The following SGCZ variants were observed in gnomAD, a reference collection of about 807,000 sequenced individuals.
The protein encoded by SGCZ is sarcoglycan zeta, also known as zeta-sarcoglycan.
Under a neutral mutation model 41.3 loss-of-function variants are expected in SGCZ, and 40 were observed. That is an observed-to-expected ratio of 0.97 (90% confidence interval 0.75 to 1.26). SGCZ has a LOEUF of 1.26. Ranked by LOEUF, SGCZ falls within the 50% of genes most tolerant of loss-of-function variation. SGCZ has a pLI of 0.00. For missense variants in SGCZ, 552 were observed against 369.8 expected, an observed-to-expected ratio of 1.49 and a Z score of -4.04; for synonymous variants, 206 against 137.5, an observed-to-expected ratio of 1.50 and a Z score of -3.49.
chr8:15,005,296 C>A (rs1802564156), intron 1 of SGCZ, among the ~76,000 whole-genome samples: 2 of 148,876 alleles, frequency 1.3e-5, no homozygotes, highest in South Asian at 4.4e-4. Context: ...GGAGCCCCCT[C>A]CCCACGCCCC....
intron 2 of SGCZ, among the ~76,000 whole-genome samples, chr8:14,397,355 AAAAT>A (rs1204407498): frequency 6.6e-6 from 1 of 152,304 alleles, no homozygotes; most frequent in Admixed American, 6.5e-5. Context: ...CTTCCCAATT[AAAAT>A]AAATATTAAT....
intron 2 of SGCZ, among the ~76,000 whole-genome samples, chr8:14,516,164 G>C (rs1802614615): frequency 6.6e-6 from 1 of 150,830 alleles, no homozygotes; most frequent in Non-Finnish European, 1.5e-5. Context: ...TTTTACTTTA[G>C]GTTTGAGGGT....
At chr8:14,729,263 C>T (rs1383934792) in intron 1 of SGCZ, among the ~76,000 whole-genome samples, 1 of 152,102 alleles carries the variant, frequency 6.6e-6, no homozygotes, top group Admixed American at 6.6e-5. Flanking sequence ...TGACTGCCCA[C>T]CAAAGCCTTG....
intron 1 of SGCZ, among the ~76,000 whole-genome samples, chr8:14,624,180 T>C (rs1324461867): frequency 6.6e-6 from 1 of 152,190 alleles, no homozygotes. Context: ...CAGACACATG[T>C]ACAGCAATAT....
chr8:14,503,227 A>C (rs948502576), intron 2 of SGCZ, among the ~76,000 whole-genome samples: 1 of 152,104 alleles, frequency 6.6e-6, no homozygotes, highest in African/African-American at 2.4e-5. Flanking sequence ...GTTCTCACTC[A>C]TAAGTGGGAG....
intron 4 of SGCZ, among the ~76,000 whole-genome samples, chr8:14,230,439 T>G (rs1419775868): frequency 6.6e-6 from 1 of 152,128 alleles, no homozygotes; most frequent in Non-Finnish European, 1.5e-5. Context: ...ATGAGGCAAA[T>G]ACTCATATTC....
intron 1 of SGCZ, among the ~76,000 whole-genome samples, chr8:15,003,214 G>A (rs73203388): frequency 1.3e-5 from 2 of 152,152 alleles, no homozygotes; most frequent in Non-Finnish European, 1.5e-5. Context: ...GAAGGAAAAT[G>A]GAGAGCAGAG....
chr8:14,578,377 G>T (rs768299946), intron 1 of SGCZ, among the ~76,000 whole-genome samples: 1 of 152,154 alleles, frequency 6.6e-6, no homozygotes, highest in Non-Finnish European at 1.5e-5. Flanking sequence ...CCCAGAGCAT[G>T]GGCTCCTCTC....
chr8:15,126,701 G>A (rs1045678659), intron 1 of SGCZ, among the ~76,000 whole-genome samples: 1 of 152,192 alleles, frequency 6.6e-6, no homozygotes, highest in Non-Finnish European at 1.5e-5. Context: ...GGCACAACAG[G>A]AAGAGTGAAC....
intron 1 of SGCZ, among the ~76,000 whole-genome samples, chr8:15,001,821 T>C (rs1802434441): frequency 6.6e-6 from 1 of 152,014 alleles, no homozygotes; most frequent in African/African-American, 2.4e-5. Context: ...CATGCCATTA[T>C]TATCTTCATT....
chr8:14,837,493 T>A (rs1332722653), intron 1 of SGCZ, among the ~76,000 whole-genome samples: 1 of 152,200 alleles, frequency 6.6e-6, no homozygotes, highest in African/African-American at 2.4e-5. Context: ...AGGGACTACA[T>A]TTCCCAACTC....
At chr8:14,695,596 C>G (rs937913788) in intron 1 of SGCZ, among the ~76,000 whole-genome samples, 1 of 151,992 alleles carries the variant, frequency 6.6e-6, no homozygotes, top group Non-Finnish European at 1.5e-5. Flanking sequence ...TTCCTTACAG[C>G]AACATGGCTA....
At chr8:15,234,920 T>C (rs1205096804) in intron 1 of SGCZ, among the ~76,000 whole-genome samples, 1 of 152,208 alleles carries the variant, frequency 6.6e-6, no homozygotes, top group Non-Finnish European at 1.5e-5. Flanking sequence ...TTTTATACTT[T>C]TATGCACATT....
intron 1 of SGCZ, among the ~76,000 whole-genome samples, chr8:14,571,945 G>A (rs900024484): frequency 2.6e-5 from 4 of 152,132 alleles, no homozygotes; most frequent in South Asian, 4.1e-4. Flanking sequence ...CTATAGAAAA[G>A]GTAGGTTGGA....
chr8:14,780,080 A>G (rs1014947640), intron 1 of SGCZ, among the ~76,000 whole-genome samples: 2 of 152,100 alleles, frequency 1.3e-5, no homozygotes, highest in Non-Finnish European at 2.9e-5. Context: ...GAAAATGAAC[A>G]TAGAAAAATA....
chr8:14,102,659 G>A (rs1306958241), intron 6 of SGCZ, among the ~76,000 whole-genome samples, 160 bp from the exon 7 acceptor site: 2 of 152,162 alleles, frequency 1.3e-5, no homozygotes, highest in Non-Finnish European at 2.9e-5. Context: ...GGCAAAGCCA[G>A]AATGAGTTTC....
chr8:14,388,876 T>C (rs977647728), intron 2 of SGCZ, among the ~76,000 whole-genome samples: 3 of 151,728 alleles, frequency 2.0e-5, no homozygotes, highest in Non-Finnish European at 4.4e-5. Context: ...TGAAAGAGAT[T>C]GAGGTTATTT....
chr8:15,104,070 T>C (rs1265244898), intron 1 of SGCZ, among the ~76,000 whole-genome samples: 1 of 152,186 alleles, frequency 6.6e-6, no homozygotes, highest in African/African-American at 2.4e-5. Flanking sequence ...CAAACGAACC[T>C]TTCTCACGTT....
rs138132195 is a variant in SGCZ, at chr8:14,359,687, T to C, written c.235-35483A>G. Among the ~76,000 whole-genome samples, 439 of 152,002 alleles carry C rather than the reference T, an allele frequency of 2.9e-3. 2 individuals carry two copies. The highest frequency in any genetic ancestry group is 4.2e-3 in the South Asian group (20 of 4,814). On this transcript the variant is annotated intron_variant, in intron 2 of 7. Coordinates refer to ENST00000382080, the MANE Select transcript of SGCZ (RefSeq NM_139167.4). ...GACACAGTGACCTCACTATTGAAGC[T>C]GGAGAAACATTTAAAGAACTAATAT... is the stretch of plus-strand genomic sequence containing the variant.
Sources: allele counts gnomAD v4.1 joint callset (sites outside exome capture counted in the v4.1 genomes callset), GRCh38; gene constraint gnomAD v4.1.1; transcripts MANE v1.5; gene names NCBI Gene and HGNC (gene_info 2026-07-23, HGNC 2026-07-21).